Variants in OR5V1 observed in about 807,000 individuals in gnomAD.
OR5V1 encodes the protein olfactory receptor 5V1.
For synonymous variants in OR5V1, 134 were observed against 143.2 expected, an observed-to-expected ratio of 0.94 and a Z score of 0.46; for missense variants, 365 against 371.5, an observed-to-expected ratio of 0.98 and a Z score of 0.14.
intron 1 of OR5V1, among the ~76,000 whole-genome samples, chr6:29,366,933 T>G (rs983393464): frequency 1.3e-5 from 2 of 152,196 alleles, no homozygotes; most frequent in African/African-American, 4.8e-5. Context: ...CTCCTGATGC[T>G]TTTGTTTTGT....
In OR5V1 at chr6:29,353,873, A is replaced by G. The variant is rs1055381143; in HGVS notation, c.*1357T>C. ...TACAAATATATTTAGTTAAATGAAGAGTGTGCCAGTAAGCCAGTAGAGTTT... is the reference window on the plus strand; with the variant it reads ...TACAAATATATTTAGTTAAATGAAGGGTGTGCCAGTAAGCCAGTAGAGTTT... On this transcript the variant is annotated 3_prime_UTR_variant, in exon 2 of 2. Transcript: ENST00000641768. 4 of 152,052 alleles carry G rather than the reference A, an allele frequency of 2.6e-5. No homozygotes were observed. Among genetic ancestry groups the G allele is most frequent in the South Asian group, 2.1e-4 (1 of 4,832 alleles). The allele number at this position is 152,052 out of a possible 1,614,324, so 9.4% of individuals were successfully genotyped here.
intron 1 of OR5V1, among the ~76,000 whole-genome samples, chr6:29,361,396 G>C (rs1478615387): frequency 6.6e-6 from 1 of 152,064 alleles, no homozygotes; most frequent in African/African-American, 2.4e-5. Context: ...AACCTAGCAA[G>C]ACAGGTCAAC....
In OR5V1 at chr6:29,355,337, G is replaced by C; in HGVS notation, c.859C>G (p.Pro287Ala). 3 of 1,613,900 alleles carry C rather than the reference G, an allele frequency of 1.9e-6. No individual in the cohort carries two copies. The highest frequency in any genetic ancestry group is 2.5e-6 in the Non-Finnish European group (3 of 1,179,858). Reference protein sequence around the residue: ...LYSVVTPMLNPIIYTLRNKDI... With the variant: ...LYSVVTPMLNAIIYTLRNKDI... The stretch of plus-strand genomic sequence containing the variant: ...TTATTCCTCAATGTGTAAATTATAG[G>C]GTTTAGCATGGGGGTAACAACACTG... Residue 287 changes from proline to alanine, a missense_variant, in exon 2 of 2, where the codon CCT becomes GCT. Physicochemically the swap from Pro to Ala is conservative, Grantham distance 27. Coordinates refer to ENST00000641768, the MANE Select transcript of OR5V1 (RefSeq NM_030876.6).
At position 29,354,526 on chromosome 6, in the gene OR5V1, T is replaced by C. The variant is rs977837835; in HGVS notation, c.*704A>G. On this transcript the variant is annotated 3_prime_UTR_variant, in exon 2 of 2. Coordinates refer to ENST00000641768, the MANE Select transcript of OR5V1 (RefSeq NM_030876.6). ...TTCTAAATTTTTAGCGAAAAAAGTT[T>C]CCCAAATTTAAGATACTCTATAAAA... 2 of 152,126 alleles carry C rather than the reference T, an allele frequency of 1.3e-5. No individual in the cohort carries two copies. The highest frequency in any genetic ancestry group is 4.8e-5 in the African/African-American group (2 of 41,456). The allele number at this position is 152,126 out of a possible 1,614,324, so 9.4% of individuals were successfully genotyped here. A position where few individuals can be genotyped will look rare whatever the true frequency, so the allele number is the denominator to read the frequency against.
chr6:29,357,964 A>G (rs980314067), intron 1 of OR5V1, among the ~76,000 whole-genome samples: 1 of 152,172 alleles, frequency 6.6e-6, no homozygotes, highest in African/African-American at 2.4e-5. Context: ...TACTTTATCG[A>G]TTGCCCTCAC....
At position 29,353,861 on chromosome 6, in the gene OR5V1, A is replaced by G. The variant is rs1424984024; in HGVS notation, c.*1369T>C. 3.3e-5 allele frequency: 5 copies of G among 152,096 alleles called. No homozygotes were observed. The highest frequency in any genetic ancestry group is 7.4e-5 in the Non-Finnish European group (5 of 67,964). 9.4% of individuals were successfully genotyped at this position (152,096 alleles called of 1,614,324 possible). A position where few individuals can be genotyped will look rare whatever the true frequency, so the allele number is the denominator to read the frequency against. ...ATAGACAGTGGTTACAAATATATTT[A>G]GTTAAATGAAGAGTGTGCCAGTAAG... On this transcript the variant is annotated 3_prime_UTR_variant, in exon 2 of 2. Coordinates refer to ENST00000641768, the MANE Select transcript of OR5V1 (RefSeq NM_030876.6).
intron 1 of OR5V1, among the ~76,000 whole-genome samples, chr6:29,358,498 A>G (rs941346983): frequency 6.6e-6 from 1 of 152,226 alleles, no homozygotes; most frequent in Non-Finnish European, 1.5e-5. Flanking sequence ...TCTCAAAGAG[A>G]TATCTGCACT....
At chr6:29,367,002 A>G (rs1279874398) in intron 1 of OR5V1, among the ~76,000 whole-genome samples, 1 of 152,168 alleles carries the variant, frequency 6.6e-6, no homozygotes, top group Non-Finnish European at 1.5e-5. Context: ...TGCCTTTCCC[A>G]TGTCCCTATT....
At chr6:29,368,174 T>C (rs1326828275) in intron 1 of OR5V1, among the ~76,000 whole-genome samples, 3 of 152,168 alleles carry the variant, frequency 2.0e-5, no homozygotes, top group Non-Finnish European at 4.4e-5. Context: ...TGAAATCACA[T>C]AGCAAACGTG....
chr6:29,367,983 G>A (rs1778936615), intron 1 of OR5V1, among the ~76,000 whole-genome samples: 1 of 152,076 alleles, frequency 6.6e-6, no homozygotes, highest in Non-Finnish European at 1.5e-5. Context: ...CACAAGGAGA[G>A]GCCCCCAGAA....
chr6:29,355,192 G>C lies in OR5V1; in HGVS notation c.*38C>G. On this transcript the variant is annotated 3_prime_UTR_variant, in exon 2 of 2. Transcript: ENST00000641768. ...ATAAAAACAGCTGACTGGTGAAAAA[G>C]TTAATTTTGTAGTATAAGATTATTG... 6.6e-7 allele frequency: 1 copy of C among 1,526,398 alleles called. No individual in the cohort carries two copies. Among genetic ancestry groups the C allele is most frequent in the Non-Finnish European group, 8.8e-7 (1 of 1,142,362 alleles). 94.6% of individuals were successfully genotyped at this position (1,526,398 alleles called of 1,614,324 possible).
At chr6:29,360,283 A>G (rs542830638) in intron 1 of OR5V1, among the ~76,000 whole-genome samples, 327 of 152,046 alleles carry the variant, frequency 2.2e-3, no homozygotes, top group Non-Finnish European at 3.3e-3. Context: ...TAGAGATAAA[A>G]CTCCCATCTT....
chr6:29,355,936 G>A lies in OR5V1; in HGVS notation c.260C>T (p.Ser87Leu). 6.2e-7 allele frequency: 1 copy of A among 1,613,892 alleles called. No homozygotes were observed. Among genetic ancestry groups the A allele is most frequent in the Non-Finnish European group, 8.5e-7 (1 of 1,179,900 alleles). The change falls in exon 2 of 2, where the codon TCA (serine) becomes TTA (leucine). Residue 87 changes from serine (S) to leucine (L), a missense_variant. Coordinates refer to ENST00000641768, the MANE Select transcript of OR5V1 (RefSeq NM_030876.6). ...NVPQMMVHLL[S>L]KKKSISYVGC... ...CACATAAGAAATGCTTTTTTTCTTT[G>A]AGAGGAGGTGCACCATCATCTGGGG...
intron 1 of OR5V1, among the ~76,000 whole-genome samples, chr6:29,356,924 G>T (rs1056932903): frequency 1.9e-4 from 29 of 152,030 alleles, no homozygotes; most frequent in Admixed American, 5.2e-4. Flanking sequence ...TCAAGTATTT[G>T]TATGAATATA....
Position 29,355,453 on chromosome 6 carries a change from A to G in OR5V1, c.743T>C (p.Val248Ala), listed in dbSNP as rs367548046. ...GATGGCGCTGCCATAAAAGAGAAAGACAATGGCCAGGTGGGAGGCACATGT... is the reference window on the plus strand; with the variant it reads ...GATGGCGCTGCCATAAAAGAGAAAGGCAATGGCCAGGTGGGAGGCACATGT... ...FSTCASHLAI[V>A]FLFYGSAIFT... Residue 248 changes from valine (V) to alanine (A), a missense_variant, in exon 2 of 2, where the codon GTC (valine) becomes GCC (alanine). Coordinates refer to ENST00000641768, the MANE Select transcript of OR5V1 (RefSeq NM_030876.6). 19 of 1,613,930 alleles carry G rather than the reference A, an allele frequency of 1.2e-5. No individual in the cohort carries two copies. Among genetic ancestry groups the G allele is most frequent in the Non-Finnish European group, 1.6e-5 (19 of 1,179,942 alleles).
chr6:29,361,432 C>G (rs1409995282), intron 1 of OR5V1, among the ~76,000 whole-genome samples: 1 of 151,992 alleles, frequency 6.6e-6, no homozygotes, highest in South Asian at 2.1e-4. Flanking sequence ...ATACAGAGAA[C>G]ACCACTAAGA....
At chr6:29,362,222 C>A (rs1778598810) in intron 1 of OR5V1, among the ~76,000 whole-genome samples, 1 of 152,088 alleles carries the variant, frequency 6.6e-6, no homozygotes, top group Non-Finnish European at 1.5e-5. Context: ...GGGATCAATG[C>A]AACAAGAAGA....
intron 1 of OR5V1, among the ~76,000 whole-genome samples, chr6:29,363,492 A>G (rs1778684053): frequency 6.6e-6 from 1 of 152,156 alleles, no homozygotes; most frequent in Non-Finnish European, 1.5e-5. Flanking sequence ...CAAAGACACA[A>G]CAAAAAAAGA....
chr6:29,359,858 C>A lies in OR5V1; in HGVS notation c.-82-3581G>T, dbSNP rs185288262. 3.9e-5 allele frequency among the ~76,000 whole-genome samples: 6 copies of A among 152,298 alleles called. No individual in the cohort carries two copies. In the East Asian group the frequency reaches 1.2e-3, roughly 29 times the overall value. ...GCACAAAACTGGGTGGCTGTTTGGG[C>A]AGACACTGAGCCAGCTGCAGGAGTT... On this transcript the variant is annotated intron_variant, in intron 1 of 1. Coordinates refer to ENST00000641768, the MANE Select transcript of OR5V1 (RefSeq NM_030876.6).
Sources: allele counts gnomAD v4.1 joint callset (sites outside exome capture counted in the v4.1 genomes callset), GRCh38; gene constraint gnomAD v4.1.1; transcripts MANE v1.5; gene names NCBI Gene and HGNC (gene_info 2026-07-23, HGNC 2026-07-21).